Variants in ZNF484 observed in about 807,000 individuals in gnomAD.
The protein encoded by ZNF484 is KRAB box containing C2H2 type zinc finger bA526D8.4.
A neutral mutation model predicts 12.9 loss-of-function variants in ZNF484; 11 were observed. The observed-to-expected ratio is 0.85, with a 90% confidence interval of 0.54 to 1.41. ZNF484 has a LOEUF of 1.41. Among genes scored for constraint, ZNF484 ranks in the 40% most tolerant of loss-of-function variants. The probability of loss-of-function intolerance (pLI) is 0.00; values close to 1 mark genes in which losing one functional copy is unlikely to be tolerated. For synonymous variants in ZNF484, 289 were observed against 334.1 expected (o/e 0.86, Z 1.47); for missense variants, 807 against 1,007.7 (o/e 0.80, Z 2.70).
intron 2 of ZNF484, among the ~76,000 whole-genome samples, chr9:92,872,099 C>A (rs191839099): frequency 6.6e-6 from 1 of 152,100 alleles, no homozygotes; most frequent in African/African-American, 2.4e-5. Context: ...GGCGTGGTGG[C>A]ACATGCCTGT....
intron 4 of ZNF484, among the ~76,000 whole-genome samples, chr9:92,854,111 G>A (rs1224690455): frequency 2.0e-5 from 3 of 152,150 alleles, no homozygotes; most frequent in Non-Finnish European, 4.4e-5. Context: ...AAAAGAGAGA[G>A]AGATGAGGCT....
intron 1 of ZNF484, among the ~76,000 whole-genome samples, chr9:92,876,021 G>A (rs1308683324): frequency 6.7e-6 from 1 of 149,732 alleles, no homozygotes; most frequent in African/African-American, 2.5e-5. Context: ...CACTTGCAGA[G>A]TATCTCTATC....
At chr9:92,872,673 A>G (rs1444317503) in intron 2 of ZNF484, among the ~76,000 whole-genome samples, 1 of 152,102 alleles carries the variant, frequency 6.6e-6, no homozygotes, top group East Asian at 1.9e-4. Context: ...AAATAGAAAC[A>G]GATTCTTTCT....
Position 92,847,335 on chromosome 9 carries a change from A to G in ZNF484, c.1452T>C (p.Ile484=). Residue 484 remains isoleucine (I), a synonymous_variant, in exon 5 of 5, where the codon ATT becomes ATC. Coordinates refer to ENST00000375495, the MANE Select transcript of ZNF484 (RefSeq NM_031486.4). The stretch of plus-strand genomic sequence containing the variant: ...CTCCTGTATGAATTTTCTGGTGTAT[A>G]ATGAGATTTGTCTTGTGAGTGAAGA... ...GKVFTHKTNL[I]IHQKIHTGER... The G allele has an allele frequency of 6.2e-7, 1 of 1,613,756 alleles. No homozygotes were observed. Among genetic ancestry groups the G allele is most frequent in the Non-Finnish European group, 8.5e-7 (1 of 1,179,896 alleles).
rs200104730 is a variant in ZNF484 at position 92,846,279 on chromosome 9, T to C, written c.2508A>G (p.Gln836=). 1.4e-5 allele frequency: 22 copies of C among 1,614,100 alleles called. No homozygotes were observed. Among genetic ancestry groups the C allele is most frequent in the South Asian group, 3.3e-5 (3 of 91,074 alleles). Residue 836 remains glutamine, a synonymous_variant, in exon 5 of 5, where the codon CAA becomes CAG. Transcript: ENST00000375495. ...CACCTTCTGAGTCCCCACACCATAA[T>C]TGTGGCATGGAGCACTCTACTTCCC... ...DNGEVECSMP[Q]LWCGDSEGDQ...
rs564997293 is a variant in ZNF484, at chr9:92,858,690, TAGTA to T, written c.16-2376_16-2373del. Among the ~76,000 whole-genome samples the T allele has an allele frequency of 8.5e-3, 1,299 of 152,060 alleles. 19 individuals carry two copies. Among genetic ancestry groups the T allele is most frequent in the Non-Finnish European group, 9.1e-3 (618 of 68,000 alleles). ...TCCTAGCATTATTAAGGAGATAAAA[TAGTA>T]AGTTCAAGATGAATGTTTTAATATC... On this transcript the variant is annotated intron_variant, in intron 2 of 4. Coordinates refer to ENST00000375495, the MANE Select transcript of ZNF484 (RefSeq NM_031486.4).
chr9:92,864,570 G>C (rs1044711380), intron 2 of ZNF484, among the ~76,000 whole-genome samples: 1 of 152,140 alleles, frequency 6.6e-6, no homozygotes, highest in African/African-American at 2.4e-5. Flanking sequence ...AATGCATTTT[G>C]CCAGACAATT....
At position 92,847,289 on chromosome 9, in the gene ZNF484, C is replaced by G; in HGVS notation, c.1498G>C (p.Val500Leu). 1 of 1,614,136 alleles carries G rather than the reference C, an allele frequency of 6.2e-7. No homozygotes were observed. Among genetic ancestry groups the G allele is most frequent in the East Asian group, 2.2e-5 (1 of 44,870 alleles). The change falls in exon 5 of 5, where the codon GTG becomes CTG. Residue 500 changes from valine (V) to leucine (L), a missense_variant. Transcript: ENST00000375495. ...HTGERPYICTVCGKAFTDRSN... is the reference protein window; with the variant it reads ...HTGERPYICTLCGKAFTDRSN... ...CTGTCAGTAAAGGCCTTACCACACA[C>G]AGTACATATATAGGGTCTTTCTCCT...
At position 92,847,955 on chromosome 9, in the gene ZNF484, G is replaced by C; in HGVS notation, c.832C>G (p.Gln278Glu). The part of the protein sequence containing the change: ...AHESICAEEK[Q>E]HECHECEAVF... ...GCCTCACATTCATGGCATTCATGCTGCTTTTCTTCAGCACAAATACTCTCA... is the reference window on the plus strand; with the variant it reads ...GCCTCACATTCATGGCATTCATGCTCCTTTTCTTCAGCACAAATACTCTCA... Residue 278 changes from glutamine to glutamate, a missense_variant, in exon 5 of 5, where the codon CAG (glutamine) becomes GAG (glutamate). Physicochemically the swap from Gln to Glu is conservative, Grantham distance 29. Coordinates refer to ENST00000375495, the MANE Select transcript of ZNF484 (RefSeq NM_031486.4). 1 of 1,614,198 alleles carries C rather than the reference G, an allele frequency of 6.2e-7. No homozygotes were observed. Among genetic ancestry groups the C allele is most frequent in the South Asian group, 1.1e-5 (1 of 91,086 alleles).
chr9:92,868,777 A>T (rs1857258823), intron 2 of ZNF484, among the ~76,000 whole-genome samples: 1 of 152,218 alleles, frequency 6.6e-6, no homozygotes, highest in African/African-American at 2.4e-5. Context: ...CTCCCCAGAG[A>T]GGGCATTAAT....
chr9:92,862,834 C>T (rs1470686242), intron 2 of ZNF484, among the ~76,000 whole-genome samples: 4 of 152,100 alleles, frequency 2.6e-5, no homozygotes, highest in Admixed American at 1.3e-4. Flanking sequence ...TAAATTTGTT[C>T]AACCATTGTG....
intron 2 of ZNF484, among the ~76,000 whole-genome samples, chr9:92,871,912 T>C (rs143632502): frequency 6.6e-6 from 1 of 152,306 alleles, no homozygotes; most frequent in East Asian, 1.9e-4. Context: ...GTGGGCTGAA[T>C]ATAATCACAA....
chr9:92,852,529 CTTT>C (rs760841960), intron 4 of ZNF484, among the ~76,000 whole-genome samples: 3 of 63,450 alleles, frequency 4.7e-5, no homozygotes, highest in African/African-American at 7.5e-5. Flanking sequence ...CACGCCCAGC[CTTT>C]TTTTTTTTTT....
intron 2 of ZNF484, among the ~76,000 whole-genome samples, chr9:92,865,518 G>A (rs1857016459): frequency 6.6e-6 from 1 of 152,140 alleles, no homozygotes; most frequent in Admixed American, 6.5e-5. Flanking sequence ...CCAAGTACTG[G>A]TAAAGATACA....
chr9:92,848,990 G>C lies in ZNF484; in HGVS notation c.236-439C>G, dbSNP rs1855890467. Among the ~76,000 whole-genome samples, 1 of 151,904 alleles carries C rather than the reference G, an allele frequency of 6.6e-6. No homozygotes were observed. Among genetic ancestry groups the C allele is most frequent in the Non-Finnish European group, 1.5e-5 (1 of 67,970 alleles). ...TAGACCTTTGATTCAGGCCGGGTGT[G>C]GTGGCTCACGCCTGTAAGCCCAGCA... On this transcript the variant is annotated intron_variant, in intron 4 of 4. Coordinates refer to ENST00000375495, the MANE Select transcript of ZNF484 (RefSeq NM_031486.4). The surrounding 1 kb of genome is among the most constrained non-coding windows in gnomAD (Gnocchi z 4.1).
At position 92,845,365 on chromosome 9, in the gene ZNF484, A is replaced by G. The variant is rs1056011791; in HGVS notation, c.*863T>C. The G allele has an allele frequency of 6.6e-6, 1 of 152,222 alleles. No individual in the cohort carries two copies. The highest frequency in any genetic ancestry group is 1.5e-5 in the Non-Finnish European group (1 of 68,022). The allele number at this position is 152,222 out of a possible 1,614,324, so 9.4% of individuals were successfully genotyped here. ...ATTAGTTTGTAGAGATTGTGAGGAG[A>G]TAAAAGGAGAAGTCTTCCAAATGTT... On this transcript the variant is annotated 3_prime_UTR_variant, in exon 5 of 5. Coordinates refer to ENST00000375495, the MANE Select transcript of ZNF484 (RefSeq NM_031486.4). This position sits in a 1 kb window ranked among gnomAD's most constrained non-coding sequence, Gnocchi z 4.0.
chr9:92,875,057 A>G lies in ZNF484; in HGVS notation c.-28T>C, dbSNP rs7859257. 1 of 1,613,932 alleles carries G rather than the reference A, an allele frequency of 6.2e-7. No individual in the cohort carries two copies. Among genetic ancestry groups the G allele is most frequent in the Admixed American group, 1.7e-5 (1 of 59,986 alleles). The stretch of plus-strand genomic sequence containing the variant: ...TTGGCTCTTCGGACAAAGGGGCAGA[A>G]ATCTGAGAAAACAGATGGGTAGAGG... On this transcript the variant is annotated splice_region_variant and 5_prime_UTR_variant, in exon 2 of 5. Transcript: ENST00000375495.
At chr9:92,858,927 C>T (rs374483978) in intron 2 of ZNF484, among the ~76,000 whole-genome samples, 14 of 151,982 alleles carry the variant, frequency 9.2e-5, no homozygotes, top group African/African-American at 3.4e-4. Context: ...AGATCGAGAC[C>T]ATCCTGGCTA....
rs563507222 is a variant in ZNF484, at chr9:92,855,818, G to A, written c.228C>T (p.Ser76=). 2.5e-6 allele frequency: 4 copies of A among 1,613,928 alleles called. No individual in the cohort carries two copies. The African/African-American group carries it at 5.3e-5, about 22-fold the overall frequency. ...TCTTGGTTCCCTTCTCACCTGGACG[G>A]CTCTGACTGGGGATCTCACCATCCA... ...CMLDGEIPSQ[S]RPDGDIGFGP... Residue 76 remains serine, a synonymous_variant, in exon 4 of 5, where the codon AGC becomes AGT. Transcript: ENST00000375495.
Sources: gnomAD v4.1 joint callset for allele counts (sites outside exome capture counted in the v4.1 genomes callset) on GRCh38, gnomAD v4.1.1 for gene constraint, Gnocchi (gnomAD v3.1) non-coding constraint, MANE v1.5 for transcripts, NCBI Gene and HGNC (gene_info 2026-07-23, HGNC 2026-07-21) for gene names.